The following NELFA variants were observed in gnomAD, a reference collection of about 807,000 sequenced individuals.
NELFA encodes the protein negative elongation factor complex member A.
Under a neutral mutation model 51.8 loss-of-function variants are expected in NELFA, and 35 were observed. The ratio of observed to expected loss-of-function variants is 0.68; its 90% CI spans 0.52 to 0.90. The LOEUF is 0.90. Among genes scored for constraint, NELFA ranks in the 40% least tolerant of loss-of-function variants. The pLI is 0.00. For synonymous variants in NELFA, 417 were observed against 338.4 expected, an observed-to-expected ratio of 1.23 and a Z score of -2.55; for missense variants, 658 against 746.4, an observed-to-expected ratio of 0.88 and a Z score of 1.38.
At chr4:2,008,601 G>A (rs1223104270) in intron 1 of NELFA, 149 bp downstream of exon 1, 2 of 818,950 alleles carry the variant, frequency 2.4e-6, no homozygotes, top group South Asian at 1.7e-5. Context: ...GAGCGAGGAG[G>A]GGGCGTGAGG....
chr4:1,995,958 C>A (rs567350477), intron 1 of NELFA, among the ~76,000 whole-genome samples: 1 of 151,258 alleles, frequency 6.6e-6, no homozygotes, highest in South Asian at 2.1e-4. Flanking sequence ...GAGTCCAGCC[C>A]GGGCAACATA....
intron 1 of NELFA, among the ~76,000 whole-genome samples, chr4:1,998,189 G>C (rs555401669): frequency 6.6e-6 from 1 of 152,210 alleles, no homozygotes; most frequent in South Asian, 2.1e-4. Context: ...AGATGAGAAA[G>C]AATCAACGAA....
chr4:1,984,660 G>A (rs1728025235), intron 8 of NELFA, 148 bp downstream of exon 8: 1 of 616,884 alleles, frequency 1.6e-6, no homozygotes, highest in African/African-American at 1.8e-5. Flanking sequence ...TGAACAGCGG[G>A]GCATCTGCCC....
At chr4:1,995,356 C>G (rs556814019) in intron 1 of NELFA, among the ~76,000 whole-genome samples, 1 of 152,282 alleles carries the variant, frequency 6.6e-6, no homozygotes, top group African/African-American at 2.4e-5. Context: ...ACACATCCAG[C>G]CCAGTCATCT....
At chr4:1,986,597 CTT>C in intron 4 of NELFA, 195 bp from the exon 5 acceptor site, 1 of 778,888 alleles carries the variant, frequency 1.3e-6, no homozygotes, top group Non-Finnish European at 2.0e-6. Flanking sequence ...CGACCTCACA[CTT>C]TGCCAAGACA....
chr4:1,995,641 A>C (rs1299529624), intron 1 of NELFA, among the ~76,000 whole-genome samples: 3 of 152,350 alleles, frequency 2.0e-5, no homozygotes, highest in East Asian at 3.9e-4. Context: ...ATATAAAATA[A>C]AGCTGGTACA....
Position 1,983,917 on chromosome 4 carries a change from C to T in NELFA, c.1233G>A (p.Pro411=), listed in dbSNP as rs142846581. 9.5e-5 allele frequency: 153 copies of T among 1,606,834 alleles called. 1 individual carries two copies. The highest frequency in any genetic ancestry group is 3.8e-4 in the East Asian group (17 of 44,836). ...GGGTCTGCGGGGCCACCATGGCAAC[C>T]GGGGGTGTCTGAGTGGTAGGGGCGA... ...PAVAPTTQTP[P]VAMVAPQTQA... is the part of the protein sequence containing the mutation. The change falls in exon 9 of 11, where the codon CCG becomes CCA. Residue 411 remains proline, a synonymous_variant. Transcript: ENST00000382882.
chr4:2,001,072 G>A (rs1205908052), intron 1 of NELFA, among the ~76,000 whole-genome samples: 2 of 152,104 alleles, frequency 1.3e-5, no homozygotes, highest in South Asian at 2.1e-4. Flanking sequence ...ATGCAGAAAA[G>A]GCCTTTGATA....
At chr4:2,008,624 G>T (rs1577635226) in intron 1 of NELFA, 126 bp downstream of exon 1, 8 of 1,126,252 alleles carry the variant, frequency 7.1e-6, no homozygotes, top group Non-Finnish European at 4.9e-6. Context: ...GGGCCGGGGG[G>T]GTTAACAGTC....
At position 1,983,051 on chromosome 4, in the gene NELFA, G is replaced by GTTAA. The variant is rs1027981152; in HGVS notation, c.*264_*267dup. ...AAATTAGGAAGTTGTAACTTTTTTGGTTAATTTACTTACTACATTCAAAAA... is the reference window on the plus strand; with the variant it reads ...AAATTAGGAAGTTGTAACTTTTTTGGTTAATTAATTTACTTACTACATTCAAAAA... On this transcript the variant is annotated 3_prime_UTR_variant, in exon 11 of 11. Transcript: ENST00000382882. 5.6e-6 allele frequency: 2 copies of GTTAA among 357,508 alleles called. No individual in the cohort carries two copies. The highest frequency in any genetic ancestry group is 8.9e-5 in the South Asian group (1 of 11,282). The allele number at this position is 357,508 out of a possible 1,614,324, so 22.1% of individuals were successfully genotyped here.
Position 1,983,424 on chromosome 4 carries a change from G to A in NELFA, c.1482C>T (p.Gly494=), listed in dbSNP as rs1560852454. 6.2e-7 allele frequency: 1 copy of A among 1,614,184 alleles called. No homozygotes were observed. The highest frequency in any genetic ancestry group is 8.5e-7 in the Non-Finnish European group (1 of 1,180,026). ...EHTEDLPKAD[G]QGSTTMLVDT... ...CCACCAGCATGGTTGTGCTACCCTG[G>A]CCGTCCGCCTTGGGCAGGTCCTCCG... Residue 494 remains glycine, a synonymous_variant, in exon 11 of 11, where the codon GGC becomes GGT. Transcript: ENST00000382882.
At position 1,982,781 on chromosome 4, in the gene NELFA, C is replaced by CTATTTT. The variant is rs1727924379; in HGVS notation, c.*537_*538insAAAATA. ...ATAGTTTTACAATGAAAATAGGTACCCAAAGACTGTCTTAAATGTCCACAA... is the reference window on the plus strand; with the variant it reads ...ATAGTTTTACAATGAAAATAGGTACCTATTTTCAAAGACTGTCTTAAATGTCCACAA... On this transcript the variant is annotated 3_prime_UTR_variant, in exon 11 of 11. Transcript: ENST00000382882. 6.7e-6 allele frequency: 1 copy of CTATTTT among 149,442 alleles called. No individual in the cohort carries two copies. Among genetic ancestry groups the CTATTTT allele is most frequent in the Non-Finnish European group, 1.5e-5 (1 of 66,364 alleles). 9.3% of individuals were successfully genotyped at this position (149,442 alleles called of 1,614,324 possible).
intron 1 of NELFA, among the ~76,000 whole-genome samples, chr4:1,994,274 T>A (rs1450424085): frequency 6.6e-6 from 1 of 151,454 alleles, no homozygotes; most frequent in Non-Finnish European, 1.5e-5. Context: ...CTTAAAAAAA[T>A]TAAAAATTGG....
intron 1 of NELFA, among the ~76,000 whole-genome samples, chr4:2,005,013 T>C (rs1052817715): frequency 6.6e-6 from 1 of 150,564 alleles, no homozygotes; most frequent in African/African-American, 2.5e-5. Flanking sequence ...TTTCACCATG[T>C]TAGCCAGGAT....
At chr4:2,005,072 T>C (rs1220484462) in intron 1 of NELFA, among the ~76,000 whole-genome samples, 1 of 152,046 alleles carries the variant, frequency 6.6e-6, no homozygotes, top group Admixed American at 6.6e-5. Flanking sequence ...CCTCCCAAAG[T>C]GCTGGGATTA....
chr4:1,994,863 A>T (rs1045642742), intron 1 of NELFA, among the ~76,000 whole-genome samples: 4 of 152,094 alleles, frequency 2.6e-5, no homozygotes, highest in African/African-American at 9.7e-5. Context: ...AAAAAAAAAA[A>T]AATTAAAAAT....
intron 1 of NELFA, among the ~76,000 whole-genome samples, chr4:2,001,566 G>GT (rs1728566153): frequency 6.6e-6 from 1 of 152,226 alleles, no homozygotes; most frequent in South Asian, 2.1e-4. Context: ...AACAAGGGAT[G>GT]TGAAGGACCT....
rs371081796 is a variant in NELFA, at chr4:1,991,723, A to G, written c.211-8T>C. 3.2e-6 allele frequency: 5 copies of G among 1,581,982 alleles called. No homozygotes were observed. In the African/African-American group the frequency reaches 6.8e-5, roughly 22 times the overall value. On this transcript the variant is annotated splice_polypyrimidine_tract_variant and splice_region_variant and intron_variant, in intron 1 of 10. Coordinates refer to ENST00000382882, the MANE Select transcript of NELFA (RefSeq NM_005663.5). ...CATTAGGGCGCCCTTCATCTGCAAA[A>G]TAGGATGCTGCCGGCGCCACCATGC...
In NELFA at chr4:1,986,345, A is replaced by G; in HGVS notation, c.692T>C (p.Val231Ala). The stretch of plus-strand genomic sequence containing the variant: ...GGTCCGGTTCCCTGTGGGGCTGAAG[A>G]CGCTGGGCGCCGTGGGGCTTCTGAA... ...APFRSPTAPS[V>A]FSPTGNRTPI... The change falls in exon 5 of 11, where the codon GTC (valine) becomes GCC (alanine). Residue 231 changes from valine (V) to alanine (A), a missense_variant. Coordinates refer to ENST00000382882, the MANE Select transcript of NELFA (RefSeq NM_005663.5). The G allele has an allele frequency of 6.2e-7, 1 of 1,604,808 alleles. No individual in the cohort carries two copies. The highest frequency in any genetic ancestry group is 1.1e-5 in the South Asian group (1 of 89,354).
Sources: gnomAD v4.1 joint callset for allele counts (sites outside exome capture counted in the v4.1 genomes callset) on GRCh38, gnomAD v4.1.1 for gene constraint, MANE v1.5 for transcripts, NCBI Gene and HGNC (gene_info 2026-07-23, HGNC 2026-07-21) for gene names.